SYT14: variants seen among roughly 807,000 people sequenced by gnomAD.
The protein encoded by SYT14 is synaptotagmin 14.
In SYT14, 32 loss-of-function variants were observed where a neutral mutation model predicts 74.2. That is an observed-to-expected ratio of 0.43 (90% confidence interval 0.33 to 0.58). The LOEUF (loss-of-function observed/expected upper bound fraction) is 0.58. Among genes scored for constraint, SYT14 ranks in the 20% least tolerant of loss-of-function variants. The pLI is 0.05. For missense variants in SYT14, 791 were observed against 981.8 expected (o/e 0.81, Z 2.60); for synonymous variants, 298 against 337.7 (o/e 0.88, Z 1.29).
intron 2 of SYT14, among the ~76,000 whole-genome samples, chr1:209,964,131 G>A (rs1218212126): frequency 1.3e-5 from 2 of 152,084 alleles, no homozygotes; most frequent in Non-Finnish European, 2.9e-5. Context: ...TTGGATCATG[G>A]GGGCAGGTTC....
intron 2 of SYT14, chr1:209,953,364 A>G: frequency 1.0e-5 from 7 of 677,356 alleles, no homozygotes; most frequent in African/African-American, 1.9e-5. Context: ...GTAATCACAA[A>G]TCTATGAAAT....
chr1:210,033,347 A>G (rs1365351441), intron 5 of SYT14, among the ~76,000 whole-genome samples: 5 of 151,856 alleles, frequency 3.3e-5, no homozygotes, highest in African/African-American at 1.2e-4. Flanking sequence ...ACTGAATATC[A>G]TTAGTTTTGG....
At chr1:209,938,360 C>A in intron 1 of SYT14, 83 bp downstream of exon 1, 1 of 1,416,856 alleles carries the variant, frequency 7.1e-7, no homozygotes, top group Non-Finnish European at 9.6e-7. Flanking sequence ...CAGGCCGAGG[C>A]GCTGACGGGG....
exon 10 of SYT14, chr1:210,165,376 G>C (rs74759535): frequency 6.6e-6 from 1 of 152,146 alleles, no homozygotes; most frequent in African/African-American, 2.4e-5. Flanking sequence ...GACACAAGTG[G>C]TGGTACTTTT....
chr1:209,987,477 A>C (rs2079591914), intron 2 of SYT14, among the ~76,000 whole-genome samples: 1 of 152,172 alleles, frequency 6.6e-6, no homozygotes, highest in Non-Finnish European at 1.5e-5. Context: ...AGCAAGAGAG[A>C]ATGTGGGTGA....
At chr1:210,105,918 A>G (rs1429762838) in intron 7 of SYT14, among the ~76,000 whole-genome samples, 1 of 152,206 alleles carries the variant, frequency 6.6e-6, no homozygotes, top group Non-Finnish European at 1.5e-5. Context: ...TGCTGAGAGT[A>G]AAAGCTCCCA....
intron 4 of SYT14, among the ~76,000 whole-genome samples, chr1:210,019,622 A>G (rs2102946633): frequency 6.6e-6 from 1 of 152,350 alleles, no homozygotes; most frequent in East Asian, 1.9e-4. Flanking sequence ...TTTAAAAACT[A>G]GGACTAGACT....
intron 1 of SYT14, among the ~76,000 whole-genome samples, chr1:209,945,447 A>G (rs2078807479): frequency 6.6e-6 from 1 of 152,224 alleles, no homozygotes; most frequent in African/African-American, 2.4e-5. Flanking sequence ...ACGATGGTCT[A>G]AGTGGATTAA....
At chr1:209,977,873 A>G (rs1347427716) in intron 2 of SYT14, among the ~76,000 whole-genome samples, 5 of 152,150 alleles carry the variant, frequency 3.3e-5, no homozygotes, top group Non-Finnish European at 7.3e-5. Context: ...CTTTTCACAT[A>G]GTCCCATATT....
chr1:210,066,826 A>T (rs2081305498), intron 5 of SYT14, among the ~76,000 whole-genome samples: 1 of 151,998 alleles, frequency 6.6e-6, no homozygotes, highest in Admixed American at 6.6e-5. Flanking sequence ...TGTTTGATGA[A>T]TTTCAATTTA....
intron 7 of SYT14, among the ~76,000 whole-genome samples, chr1:210,107,663 A>G (rs2082183745): frequency 6.6e-6 from 1 of 152,192 alleles, no homozygotes; most frequent in African/African-American, 2.4e-5. Context: ...CAAGGAAGAA[A>G]TATTTATGTA....
intron 7 of SYT14, among the ~76,000 whole-genome samples, chr1:210,126,288 G>C (rs1035242759): frequency 6.6e-6 from 1 of 150,904 alleles, no homozygotes; most frequent in African/African-American, 2.4e-5. Context: ...TTTTAAGCAT[G>C]ATATATATTA....
chr1:210,083,543 G>C (rs191405006), intron 5 of SYT14, among the ~76,000 whole-genome samples: 165 of 152,118 alleles, frequency 1.1e-3, no homozygotes, highest in African/African-American at 3.8e-3. Context: ...TGCAGTTACA[G>C]GTGTGTGCCA....
At chr1:210,050,328 A>C (rs1327241927) in intron 5 of SYT14, among the ~76,000 whole-genome samples, 1 of 152,170 alleles carries the variant, frequency 6.6e-6, no homozygotes, top group Non-Finnish European at 1.5e-5. Flanking sequence ...CAAGTTCCTC[A>C]TCACTGGAGA....
chr1:210,033,984 A>G (rs1055208862), intron 5 of SYT14, among the ~76,000 whole-genome samples: 3 of 149,478 alleles, frequency 2.0e-5, no homozygotes, highest in Non-Finnish European at 4.4e-5. Flanking sequence ...AATATTTTGG[A>G]AGTCTGAAAA....
At chr1:210,109,590 AGAG>A (rs1226786965) in intron 7 of SYT14, among the ~76,000 whole-genome samples, 19 of 143,828 alleles carry the variant, frequency 1.3e-4, no homozygotes, top group South Asian at 4.5e-4. Flanking sequence ...AAAAAAAAAA[AGAG>A]AGAAAAAACA....
intron 5 of SYT14, among the ~76,000 whole-genome samples, chr1:210,078,287 G>GC (rs1284321028): frequency 1.5e-5 from 2 of 133,956 alleles, no homozygotes; most frequent in African/African-American, 3.0e-5. Flanking sequence ...TCCAGCCTGG[G>GC]CGACAGAGCG....
intron 1 of SYT14, among the ~76,000 whole-genome samples, chr1:209,943,601 C>T (rs977033516): frequency 6.9e-6 from 1 of 145,676 alleles, no homozygotes; most frequent in Non-Finnish European, 1.5e-5. Context: ...TTAATTTATA[C>T]AATTTGTTAT....
exon 10 of SYT14, chr1:210,165,341 G>T (rs891704033): frequency 2.6e-5 from 4 of 152,068 alleles, no homozygotes; most frequent in African/African-American, 9.7e-5. Context: ...TAGAAAAGAA[G>T]ATCAGAAATT....
Sources: allele counts gnomAD v4.1 joint callset (sites outside exome capture counted in the v4.1 genomes callset), GRCh38; gene constraint gnomAD v4.1.1; transcripts MANE v1.5; gene names NCBI Gene and HGNC (gene_info 2026-07-23, HGNC 2026-07-21).